The following DIAPH3 variants were observed in gnomAD, a reference collection of about 807,000 sequenced individuals.
DIAPH3 encodes the protein protein diaphanous homolog 3.
DIAPH3 carries 117 observed loss-of-function variants against 144.3 expected under a neutral mutation model. The observed-to-expected ratio is 0.81, with a 90% CI of 0.70 to 0.95. DIAPH3 has a LOEUF of 0.95. DIAPH3 is among the 40% of genes least tolerant of loss of function. The pLI is 0.00. For missense variants in DIAPH3, 1,421 were observed against 1,412.7 expected, an observed-to-expected ratio of 1.01 and a Z score of -0.09; for synonymous variants, 519 against 488.9, an observed-to-expected ratio of 1.06 and a Z score of -0.81.
intron 5 of DIAPH3, among the ~76,000 whole-genome samples, chr13:60,021,521 G>T (rs142428911): frequency 6.6e-6 from 1 of 152,078 alleles, no homozygotes; most frequent in African/African-American, 2.4e-5. Context: ...CTACTTGGGA[G>T]GCTGAGGCAG....
chr13:59,903,598 A>C (rs1210017732), intron 20 of DIAPH3, among the ~76,000 whole-genome samples: 1 of 151,890 alleles, frequency 6.6e-6, no homozygotes, highest in African/African-American at 2.4e-5. Context: ...CTTAGGGTTT[A>C]AGTTCTATTC....
intron 4 of DIAPH3, among the ~76,000 whole-genome samples, chr13:60,050,790 T>G (rs542606025): frequency 2.7e-5 from 2 of 74,670 alleles, no homozygotes; most frequent in South Asian, 9.4e-4. Flanking sequence ...AGGATTTTTC[T>G]ATCTACTGTG....
At chr13:59,971,659 T>C (rs1019692591) in intron 15 of DIAPH3, among the ~76,000 whole-genome samples, 2 of 152,204 alleles carry the variant, frequency 1.3e-5, no homozygotes, top group African/African-American at 4.8e-5. Flanking sequence ...TTTGCTCAAA[T>C]CTTCTCAATG....
intron 27 of DIAPH3, among the ~76,000 whole-genome samples, chr13:59,699,046 G>A (rs1392687218): frequency 6.6e-6 from 1 of 152,204 alleles, no homozygotes; most frequent in African/African-American, 2.4e-5. Context: ...TCTAGGAATA[G>A]TAGACAACAA....
At chr13:59,789,833 A>G (rs1489379448) in intron 25 of DIAPH3, among the ~76,000 whole-genome samples, 1 of 152,214 alleles carries the variant, frequency 6.6e-6, no homozygotes, top group Non-Finnish European at 1.5e-5. Context: ...CATGATGATT[A>G]AAGCTGGCAT....
intron 17 of DIAPH3, among the ~76,000 whole-genome samples, chr13:59,925,918 T>C (rs1341836057): frequency 6.6e-6 from 1 of 152,230 alleles, no homozygotes; most frequent in Non-Finnish European, 1.5e-5. Flanking sequence ...TTTTCTCTTT[T>C]TCTTCTAATG....
intron 20 of DIAPH3, among the ~76,000 whole-genome samples, chr13:59,893,905 A>C (rs1469098037): frequency 6.6e-6 from 1 of 152,248 alleles, no homozygotes; most frequent in South Asian, 2.1e-4. Context: ...CCAAACATAA[A>C]CCCATTAAGA....
chr13:59,778,630 T>G (rs533884545), intron 25 of DIAPH3, among the ~76,000 whole-genome samples: 5 of 152,254 alleles, frequency 3.3e-5, no homozygotes, highest in Non-Finnish European at 7.3e-5. Context: ...CCTTGTCTCA[T>G]ACATCTATTT....
At chr13:59,800,153 T>C (rs1413881054) in intron 25 of DIAPH3, among the ~76,000 whole-genome samples, 2 of 152,166 alleles carry the variant, frequency 1.3e-5, no homozygotes, top group Non-Finnish European at 2.9e-5. Context: ...TCCTCCCCCA[T>C]ATAGAAACCC....
At chr13:60,079,315 G>C (rs1222951502) in intron 4 of DIAPH3, among the ~76,000 whole-genome samples, 1 of 151,928 alleles carries the variant, frequency 6.6e-6, no homozygotes, top group Non-Finnish European at 1.5e-5. Context: ...GCATACTGAA[G>C]GCTACACATC....
At position 59,780,660 on chromosome 13, in the gene DIAPH3, C is replaced by G. The variant is rs532027077; in HGVS notation, c.3164-5837G>C. Among the ~76,000 whole-genome samples the G allele has an allele frequency of 3.2e-4, 49 of 152,190 alleles. 1 individual carries two copies. Among genetic ancestry groups the G allele is most frequent in the Admixed American group, 1.6e-3 (24 of 15,282 alleles). On this transcript the variant is annotated intron_variant, in intron 25 of 27. Coordinates refer to ENST00000400324, the MANE Select transcript of DIAPH3 (RefSeq NM_001042517.2). ...GGAGAAGGGAGAGTTAAGGACATTTCTAAAGTGGAATCAATAGGTCTTAGG... is the reference window on the plus strand; with the variant it reads ...GGAGAAGGGAGAGTTAAGGACATTTGTAAAGTGGAATCAATAGGTCTTAGG...
intron 22 of DIAPH3, among the ~76,000 whole-genome samples, chr13:59,840,836 C>T (rs341511): frequency 0.72 from 109,049 of 151,144 alleles, 39,689 homozygotes; most frequent in Admixed American, 0.79. Context: ...TTCCTTCTCA[C>T]GTATTCCCTT....
chr13:60,102,616 T>A (rs2058302760), intron 3 of DIAPH3, among the ~76,000 whole-genome samples: 1 of 152,168 alleles, frequency 6.6e-6, no homozygotes, highest in African/African-American at 2.4e-5. Context: ...AATCTTCAGA[T>A]AACAGTTACG....
intron 27 of DIAPH3, among the ~76,000 whole-genome samples, chr13:59,688,819 C>G (rs2033352031): frequency 6.6e-6 from 1 of 151,788 alleles, no homozygotes; most frequent in Non-Finnish European, 1.5e-5. Context: ...TACCAAGTAC[C>G]CATTTAGTGG....
At chr13:59,692,325 CAA>C (rs2033572481) in intron 27 of DIAPH3, among the ~76,000 whole-genome samples, 2 of 151,580 alleles carry the variant, frequency 1.3e-5, no homozygotes, top group Admixed American at 1.3e-4. Context: ...AATTTTGAGC[CAA>C]AGAGGTCATT....
At chr13:59,911,405 G>C (rs1471311731) in intron 20 of DIAPH3, among the ~76,000 whole-genome samples, 1 of 152,086 alleles carries the variant, frequency 6.6e-6, no homozygotes, top group African/African-American at 2.4e-5. Context: ...CAATATGTTG[G>C]AATACACAGC....
intron 4 of DIAPH3, among the ~76,000 whole-genome samples, chr13:60,066,218 G>A (rs2056958772): frequency 6.6e-6 from 1 of 151,360 alleles, no homozygotes; most frequent in African/African-American, 2.4e-5. Flanking sequence ...TTGCATTAAT[G>A]GATTAATTTT....
intron 5 of DIAPH3, among the ~76,000 whole-genome samples, chr13:60,040,089 G>A (rs921654531): frequency 1.3e-5 from 2 of 151,260 alleles, no homozygotes; most frequent in Admixed American, 6.6e-5. Context: ...ACAAAAATTA[G>A]CCAGGTGCGC....
intron 22 of DIAPH3, among the ~76,000 whole-genome samples, chr13:59,846,555 T>C (rs567202770): frequency 6.6e-6 from 1 of 152,194 alleles, no homozygotes; most frequent in African/African-American, 2.4e-5. Flanking sequence ...ATTTTATAAA[T>C]GCAAGTTAAA....
Sources: allele counts gnomAD v4.1 joint callset (sites outside exome capture counted in the v4.1 genomes callset), GRCh38; gene constraint gnomAD v4.1.1; transcripts MANE v1.5; gene names NCBI Gene and HGNC (gene_info 2026-07-23, HGNC 2026-07-21).